UBA6: variants seen among roughly 807,000 people sequenced by gnomAD.
UBA6 encodes the protein ubiquitin-like modifier-activating enzyme 6.
In UBA6, 87 loss-of-function variants were observed where a neutral mutation model predicts 148.3. The ratio of observed to expected loss-of-function variants is 0.59; its 90% confidence interval spans 0.49 to 0.70. UBA6 has a LOEUF of 0.70. Among genes scored for constraint, UBA6 ranks in the 30% least tolerant of loss-of-function variants. The pLI, the probability that UBA6 is intolerant of heterozygous loss-of-function variation, is 0.00. For synonymous variants in UBA6, 376 were observed against 401.0 expected (o/e 0.94, Z 0.75); for missense variants, 1,186 against 1,241.2 (o/e 0.96, Z 0.67).
At chr4:67,689,161 A>T (rs192871914) in intron 2 of UBA6, among the ~76,000 whole-genome samples, 10 of 152,276 alleles carry the variant, frequency 6.6e-5, no homozygotes, top group Non-Finnish European at 1.5e-5. Context: ...TCTTTGTGTT[A>T]GATGATTTTG....
chr4:67,681,641 A>C lies in UBA6; in HGVS notation c.230-50T>G, dbSNP rs1577835592. Reference sequence around the variant, plus strand: ...TAGCTCAATATTGGGAATACACACTAGATATGTCTTCACAGAGCTTAGTCA... The same window carrying C: ...TAGCTCAATATTGGGAATACACACTCGATATGTCTTCACAGAGCTTAGTCA... On this transcript the variant is annotated intron_variant, in intron 3 of 32. Coordinates refer to ENST00000322244, the MANE Select transcript of UBA6 (RefSeq NM_018227.6). 10 of 1,309,352 alleles carry C rather than the reference A, an allele frequency of 7.6e-6. No homozygotes were observed. In the East Asian group the frequency reaches 2.5e-4, roughly 33 times the overall value. 81.1% of individuals were successfully genotyped at this position (1,309,352 alleles called of 1,614,324 possible). A position where few individuals can be genotyped will look rare whatever the true frequency, so the allele number is the denominator to read the frequency against.
intron 19 of UBA6, among the ~76,000 whole-genome samples, chr4:67,636,602 C>G (rs1198661570): frequency 6.6e-6 from 1 of 152,320 alleles, no homozygotes. Context: ...CAGTGTTGGC[C>G]GGGCTGGTCT....
rs760774357 is a variant in UBA6 at position 67,618,971 on chromosome 4, C to T, written c.*26G>A. 3.7e-6 allele frequency: 6 copies of T among 1,608,622 alleles called. No individual in the cohort carries two copies. The highest frequency in any genetic ancestry group is 5.1e-6 in the Non-Finnish European group (6 of 1,177,892). On this transcript the variant is annotated 3_prime_UTR_variant, in exon 33 of 33. Transcript: ENST00000322244. ...GCACTCTTTCCAAAATCAAGTGGTCCTGGAGTAACGTTAAGACAACTTGTA... is the reference window on the plus strand; with the variant it reads ...GCACTCTTTCCAAAATCAAGTGGTCTTGGAGTAACGTTAAGACAACTTGTA...
At chr4:67,678,402 T>G in intron 5 of UBA6, 37 bp downstream of exon 5, 2 of 1,334,978 alleles carry the variant, frequency 1.5e-6, no homozygotes, top group Non-Finnish European at 2.1e-6. Flanking sequence ...TAAATAAATT[T>G]AAAAAAACTC....
chr4:67,625,629 T>C (rs978446072), intron 28 of UBA6, among the ~76,000 whole-genome samples: 1 of 151,962 alleles, frequency 6.6e-6, no homozygotes, highest in Non-Finnish European at 1.5e-5. Flanking sequence ...CAAATTAAAA[T>C]AAGTAATTTC....
chr4:67,669,885 T>G (rs187425276), intron 8 of UBA6, among the ~76,000 whole-genome samples: 2 of 152,282 alleles, frequency 1.3e-5, no homozygotes, highest in Admixed American at 6.5e-5. Context: ...GGAGATAACA[T>G]AGAATAAAAT....
At position 67,616,074 on chromosome 4, in the gene UBA6, T is replaced by TA; in HGVS notation, c.*2922dup. 2 of 394,072 alleles carry TA rather than the reference T, an allele frequency of 5.1e-6. No individual in the cohort carries two copies. Among genetic ancestry groups the TA allele is most frequent in the Non-Finnish European group, 9.0e-6 (2 of 223,082 alleles). The allele number at this position is 394,072 out of a possible 1,614,324, so 24.4% of individuals were successfully genotyped here. On this transcript the variant is annotated 3_prime_UTR_variant, in exon 33 of 33. Transcript: ENST00000322244. The stretch of plus-strand genomic sequence containing the variant: ...TTTTTGAAAAATATATATTTCTCAA[T>TA]AAAAAAACAAAGTTATGACATAGAG...
intron 28 of UBA6, among the ~76,000 whole-genome samples, chr4:67,625,406 A>AC (rs1042742272): frequency 2.0e-5 from 3 of 151,734 alleles, no homozygotes; most frequent in Admixed American, 6.6e-5. Context: ...TAAAAAAAAA[A>AC]AAACGATGGT....
intron 2 of UBA6, among the ~76,000 whole-genome samples, chr4:67,684,496 C>T (rs539514618): frequency 2.6e-5 from 4 of 152,176 alleles, no homozygotes; most frequent in East Asian, 3.9e-4. Context: ...TTTAAGTTAT[C>T]GTTTGTATTA....
At chr4:67,684,600 G>A (rs1730515076) in intron 2 of UBA6, among the ~76,000 whole-genome samples, 1 of 152,084 alleles carries the variant, frequency 6.6e-6, no homozygotes, top group Admixed American at 6.5e-5. Context: ...AGTTGCATGT[G>A]TTCCTGAAAA....
In UBA6 at chr4:67,618,049, AAAAAC is replaced by A. The variant is rs1728667763; in HGVS notation, c.*943_*947del. On this transcript the variant is annotated 3_prime_UTR_variant, in exon 33 of 33. Transcript: ENST00000322244. ...CTTCTGTTTAAAAAAAAAAAACAAA[AAAAAC>A]ACAAAATTTAATACCCTAATTAGGT... is the stretch of plus-strand genomic sequence containing the variant. 6.7e-6 allele frequency: 1 copy of A among 148,982 alleles called. No homozygotes were observed. Among genetic ancestry groups the A allele is most frequent in the Non-Finnish European group, 1.5e-5 (1 of 66,362 alleles). The allele number at this position is 148,982 out of a possible 1,614,324, so 9.2% of individuals were successfully genotyped here. A position where few individuals can be genotyped will look rare whatever the true frequency, so the allele number is the denominator to read the frequency against.
intron 15 of UBA6, 145 bp from the exon 16 acceptor site, chr4:67,646,161 G>T (rs192674995): frequency 1.9e-4 from 85 of 447,258 alleles, no homozygotes; most frequent in African/African-American, 1.6e-3. Context: ...AAAAAGAAAA[G>T]CCTCCATAAA....
intron 13 of UBA6, among the ~76,000 whole-genome samples, chr4:67,660,721 A>G (rs147192421): frequency 9.8e-4 from 149 of 152,310 alleles, no homozygotes; most frequent in African/African-American, 3.5e-3. Flanking sequence ...TAGAGCTGTG[A>G]GAAGAGTGCC....
At position 67,646,777 on chromosome 4, in the gene UBA6, T is replaced by C. The variant is rs912494188; in HGVS notation, c.1263A>G (p.Ala421=). The C allele has an allele frequency of 6.2e-7, 1 of 1,603,368 alleles. No homozygotes were observed. Among genetic ancestry groups the C allele is most frequent in the Non-Finnish European group, 8.5e-7 (1 of 1,174,538 alleles). ...SPLCQWLYLE[A]ADIVESLGKP... ...TGCCTAGTGATTCAACAATATCTGC[T>C]GCTTCAAGATATAACTTAAAGTAGA... Residue 421 remains alanine (A), a synonymous_variant, in exon 15 of 33, where the codon GCA becomes GCG. Transcript: ENST00000322244.
chr4:67,625,199 A>G lies in UBA6; in HGVS notation c.2519-12T>C. 1 of 1,578,840 alleles carries G rather than the reference A, an allele frequency of 6.3e-7. No homozygotes were observed. ...CATCTGAAGGTCACCTGATTATACC[A>G]ACCAGATAAACAAAGTTCCACAGCA... On this transcript the variant is annotated splice_polypyrimidine_tract_variant and intron_variant, in intron 28 of 32. Coordinates refer to ENST00000322244, the MANE Select transcript of UBA6 (RefSeq NM_018227.6).
intron 2 of UBA6, among the ~76,000 whole-genome samples, chr4:67,696,082 C>A (rs1730824369): frequency 6.6e-6 from 1 of 152,088 alleles, no homozygotes; most frequent in Non-Finnish European, 1.5e-5. Context: ...TCTTCAATCA[C>A]ACAGTATTTC....
At chr4:67,672,635 G>A (rs1392614794) in intron 7 of UBA6, among the ~76,000 whole-genome samples, 2 of 152,070 alleles carry the variant, frequency 1.3e-5, no homozygotes, top group Non-Finnish European at 2.9e-5. Flanking sequence ...TAATCTTCTG[G>A]TATATTTTAT....
chr4:67,692,402 A>G (rs1018084351), intron 2 of UBA6, among the ~76,000 whole-genome samples: 2 of 152,206 alleles, frequency 1.3e-5, no homozygotes, highest in African/African-American at 2.4e-5. Flanking sequence ...AGAAATGGAT[A>G]GTTAACTCTA....
At chr4:67,688,430 AT>A (rs1006164786) in intron 2 of UBA6, among the ~76,000 whole-genome samples, 35 of 152,154 alleles carry the variant, frequency 2.3e-4, no homozygotes, top group African/African-American at 8.4e-4. Flanking sequence ...AAGACCAAAA[AT>A]AGAGAGAACT....
Sources: gnomAD v4.1 joint callset for allele counts (sites outside exome capture counted in the v4.1 genomes callset) on GRCh38, gnomAD v4.1.1 for gene constraint, MANE v1.5 for transcripts, NCBI Gene and HGNC (gene_info 2026-07-23, HGNC 2026-07-21) for gene names.